LDLRAD4: variants seen among roughly 807,000 people sequenced by gnomAD.
LDLRAD4 encodes the protein low density lipoprotein receptor class A domain containing 4, also known as low-density lipoprotein receptor class A domain-containing protein 4.
In LDLRAD4, 5 loss-of-function variants were observed where a neutral mutation model predicts 17.0. The ratio of observed to expected loss-of-function variants is 0.29; its 90% confidence interval spans 0.15 to 0.62. The LOEUF is 0.62. Ranked by LOEUF, LDLRAD4 falls within the 20% of genes least tolerant of loss-of-function variation. The pLI, the probability that LDLRAD4 is intolerant of heterozygous loss-of-function variation, is 0.84. For synonymous variants in LDLRAD4, 168 were observed against 171.8 expected (o/e 0.98, Z 0.17); for missense variants, 340 against 424.7 (o/e 0.80, Z 1.75).
chr18:13,611,714 T>C, intron 3 of LDLRAD4: 1 of 985,436 alleles, frequency 1.0e-6, no homozygotes, highest in Non-Finnish European at 1.2e-6. Context: ...GGTGTTTTTG[T>C]GCTACCATAC....
chr18:13,530,078 C>A (rs938339692), intron 3 of LDLRAD4, among the ~76,000 whole-genome samples: 1 of 152,142 alleles, frequency 6.6e-6, no homozygotes, highest in African/African-American at 2.4e-5. Flanking sequence ...AAACACTGCC[C>A]GATCATAAAA....
intron 2 of LDLRAD4, among the ~76,000 whole-genome samples, chr18:13,424,265 C>A (rs530476379): frequency 6.6e-6 from 1 of 152,096 alleles, no homozygotes; most frequent in East Asian, 1.9e-4. Flanking sequence ...TGGCTTTACA[C>A]GACTAATGGG....
chr18:13,591,230 T>C (rs1220031706), intron 3 of LDLRAD4, among the ~76,000 whole-genome samples: 2 of 152,166 alleles, frequency 1.3e-5, no homozygotes, highest in Non-Finnish European at 2.9e-5. Context: ...TCAAAAGTAA[T>C]GATTGGTCTA....
intron 1 of LDLRAD4, among the ~76,000 whole-genome samples, chr18:13,284,319 G>A (rs530094262): frequency 4.7e-4 from 72 of 152,150 alleles, no homozygotes; most frequent in African/African-American, 1.6e-3. Flanking sequence ...CCTCGTCTCC[G>A]CCTGCTTGTT....
intron 2 of LDLRAD4, among the ~76,000 whole-genome samples, chr18:13,434,666 A>G (rs76186897): frequency 5.9e-5 from 9 of 152,216 alleles, no homozygotes; most frequent in Admixed American, 2.0e-4. Flanking sequence ...TCAAAACTAC[A>G]TTGGTTCCAA....
At chr18:13,312,277 CAT>C (rs1350451975) in intron 1 of LDLRAD4, among the ~76,000 whole-genome samples, 1 of 152,114 alleles carries the variant, frequency 6.6e-6, no homozygotes, top group African/African-American at 2.4e-5. Context: ...GTATGTGAAA[CAT>C]AAATGAATTT....
intron 3 of LDLRAD4, among the ~76,000 whole-genome samples, chr18:13,486,277 A>G (rs1181561825): frequency 2.6e-5 from 4 of 152,232 alleles, no homozygotes; most frequent in Non-Finnish European, 5.9e-5. Flanking sequence ...ATTTTACTAC[A>G]TATTTATTTT....
intron 3 of LDLRAD4, among the ~76,000 whole-genome samples, chr18:13,569,641 T>C (rs2094657560): frequency 6.6e-6 from 1 of 152,208 alleles, no homozygotes; most frequent in African/African-American, 2.4e-5. Flanking sequence ...CCCAGCACTT[T>C]GGGAGGCCAA....
chr18:13,257,189 CCATG>C (rs2145897383), intron 1 of LDLRAD4, among the ~76,000 whole-genome samples: 1 of 152,338 alleles, frequency 6.6e-6, no homozygotes, highest in East Asian at 1.9e-4. Context: ...AGGCCTGAAC[CCATG>C]TGCCGTGGGT....
chr18:13,642,538 A>C, intron 4 of LDLRAD4: 2 of 1,227,940 alleles, frequency 1.6e-6, no homozygotes, highest in East Asian at 3.2e-5. Flanking sequence ...TGCCCTGTGA[A>C]TAGGTGGACT....
rs1039565218 is a variant in LDLRAD4 at position 13,611,685 on chromosome 18, A to G, written c.182-9432A>G. On this transcript the variant is annotated intron_variant, in intron 3 of 5. Transcript: ENST00000359446. The stretch of plus-strand genomic sequence containing the variant: ...CTGCCTAGGAACATTGAGCATCCTG[A>G]CTTTGAAGGAGTCTCTGTGGTGTTT... 7.1e-6 allele frequency: 7 copies of G among 985,114 alleles called. No individual in the cohort carries two copies. In the Admixed American group the frequency reaches 3.7e-4, roughly 52 times the overall value. The allele number at this position is 985,114 out of a possible 1,614,324, so 61.0% of individuals were successfully genotyped here.
chr18:13,393,433 A>G (rs2086423758), intron 2 of LDLRAD4, among the ~76,000 whole-genome samples: 1 of 152,086 alleles, frequency 6.6e-6, no homozygotes, highest in Non-Finnish European at 1.5e-5. Context: ...AGGCAGGGAC[A>G]GCTTCTCATA....
At chr18:13,623,265 T>C (rs1352737482) in intron 4 of LDLRAD4, among the ~76,000 whole-genome samples, 1 of 152,216 alleles carries the variant, frequency 6.6e-6, no homozygotes, top group African/African-American at 2.4e-5. Flanking sequence ...GACAGAGCGA[T>C]GTTCAGAGGT....
chr18:13,595,146 G>A (rs1017602860), intron 3 of LDLRAD4, among the ~76,000 whole-genome samples: 57 of 151,926 alleles, frequency 3.8e-4, no homozygotes, highest in African/African-American at 1.3e-3. Flanking sequence ...GTCTACTAAA[G>A]ATTTCTTAAT....
chr18:13,455,793 T>C (rs1165070414), intron 3 of LDLRAD4, among the ~76,000 whole-genome samples: 1 of 152,124 alleles, frequency 6.6e-6, no homozygotes, highest in African/African-American at 2.4e-5. Flanking sequence ...TGATCTAACA[T>C]ACAATTGAGC....
chr18:13,359,828 C>A (rs910069931), intron 1 of LDLRAD4, among the ~76,000 whole-genome samples: 1 of 152,192 alleles, frequency 6.6e-6, no homozygotes, highest in South Asian at 2.1e-4. Flanking sequence ...ACAGGCCAAC[C>A]GCAGCATTGC....
intron 3 of LDLRAD4, among the ~76,000 whole-genome samples, chr18:13,451,266 G>T (rs1289867216): frequency 1.3e-5 from 2 of 152,222 alleles, no homozygotes; most frequent in African/African-American, 4.8e-5. Context: ...AAGCCCCAGT[G>T]CTGGAGGTGG....
chr18:13,568,548 T>C (rs1342647666), intron 3 of LDLRAD4, among the ~76,000 whole-genome samples: 1 of 152,038 alleles, frequency 6.6e-6, no homozygotes, highest in Non-Finnish European at 1.5e-5. Context: ...TAAAGACCCT[T>C]CCCAGAAGTC....
chr18:13,233,911 C>G (rs1292155084), intron 1 of LDLRAD4, among the ~76,000 whole-genome samples: 1 of 152,134 alleles, frequency 6.6e-6, no homozygotes, highest in Non-Finnish European at 1.5e-5. Context: ...CCCCCCAGCC[C>G]TGTCACTCCC....
Sources: gnomAD v4.1 joint callset for allele counts (sites outside exome capture counted in the v4.1 genomes callset) on GRCh38, gnomAD v4.1.1 for gene constraint, MANE v1.5 for transcripts, NCBI Gene and HGNC (gene_info 2026-07-23, HGNC 2026-07-21) for gene names.